PLEKHH3: variants seen among roughly 807,000 people sequenced by gnomAD.
The protein encoded by PLEKHH3 is pleckstrin homology domain-containing family H member 3.
In PLEKHH3, 57 loss-of-function variants were observed where a neutral mutation model predicts 77.8. That is an observed-to-expected ratio of 0.73 (90% CI 0.59 to 0.91). PLEKHH3 has a LOEUF of 0.91. Among genes scored for constraint, PLEKHH3 ranks in the 40% least tolerant of loss-of-function variants. PLEKHH3 has a pLI of 0.00. For synonymous variants in PLEKHH3, 467 were observed against 504.8 expected (o/e 0.93, Z 1.00); for missense variants, 1,082 against 1,091.2 (o/e 0.99, Z 0.12).
intron 1 of PLEKHH3, chr17:42,675,901 C>A: frequency 9.9e-7 from 1 of 1,008,760 alleles, no homozygotes; most frequent in African/African-American, 1.7e-5. Context: ...GAGCTCCCAC[C>A]TCCCTCTCCT....
chr17:42,673,596 C>T (rs1340461967), intron 4 of PLEKHH3, 40 bp from the exon 5 acceptor site: 5 of 1,591,064 alleles, frequency 3.1e-6, no homozygotes, highest in Non-Finnish European at 4.3e-6. Context: ...TTAGGGTCTG[C>T]CGGGGCCCCT....
intron 9 of PLEKHH3, 129 bp from the exon 10 acceptor site, chr17:42,670,834 C>T: frequency 2.0e-6 from 3 of 1,518,666 alleles, no homozygotes; most frequent in Non-Finnish European, 2.7e-6. Flanking sequence ...GGTGATGCTG[C>T]AGTCGGACTG....
chr17:42,673,345 C>T (rs1186279897), intron 5 of PLEKHH3, 49 bp from the exon 6 acceptor site: 3 of 1,606,496 alleles, frequency 1.9e-6, no homozygotes, highest in East Asian at 2.2e-5. Flanking sequence ...GAGTTCCTCA[C>T]AACCCCAGAA....
In PLEKHH3 at chr17:42,676,488, C is replaced by A; in HGVS notation, c.76G>T (p.Asp26Tyr). 1 of 1,610,962 alleles carries A rather than the reference C, an allele frequency of 6.2e-7. No individual in the cohort carries two copies. The highest frequency in any genetic ancestry group is 8.5e-7 in the Non-Finnish European group (1 of 1,178,866). ...TCCCCGTCCCCGCTAAGCTCGCCGT[C>A]CCCGTAGTCCCGGTGCAGAAGAGTG... ...GFTLLHRDYGDGELSGDGDED... is the reference protein window; with the variant it reads ...GFTLLHRDYGYGELSGDGDED... Residue 26 changes from aspartate to tyrosine, a missense_variant, in exon 1 of 13, where the codon GAC becomes TAC. Transcript: ENST00000591022. This position sits in a 1 kb window ranked among gnomAD's most constrained non-coding sequence, Gnocchi z 6.6.
At position 42,670,187 on chromosome 17, in the gene PLEKHH3, G is replaced by C. The variant is rs1465763477; in HGVS notation, c.1744C>G (p.Pro582Ala). ...DPPRPTPRPPPSAALLAGALW... is the reference protein window; with the variant it reads ...DPPRPTPRPPASAALLAGALW... ...GCCCCGGCCAGCAGGGCAGCGGAAG[G>C]GGGCGGCCTGGGGGTCGGGCGGGGC... Residue 582 changes from proline to alanine, a missense_variant, in exon 11 of 13, where the codon CCT (proline) becomes GCT (alanine). Physicochemically the swap from Pro to Ala is conservative, Grantham distance 27. Around this residue, in one of 3 missense-constraint regions of PLEKHH3, gnomAD observed 733 missense variants for 750.0 expected, o/e 0.98. Transcript: ENST00000591022. 6.5e-5 allele frequency: 79 copies of C among 1,207,664 alleles called. 2 individuals are homozygous for C. The Middle Eastern group carries it at 9.8e-4, about 15-fold the overall frequency. 74.8% of individuals were successfully genotyped at this position (1,207,664 alleles called of 1,614,324 possible).
Position 42,668,022 on chromosome 17 carries a change from G to C in PLEKHH3, c.*105C>G. 1.0e-6 allele frequency: 1 copy of C among 986,680 alleles called. No individual in the cohort carries two copies. Among genetic ancestry groups the C allele is most frequent in the Non-Finnish European group, 1.3e-6 (1 of 761,246 alleles). 61.1% of individuals were successfully genotyped at this position (986,680 alleles called of 1,614,324 possible). A position where few individuals can be genotyped will look rare whatever the true frequency, so the allele number is the denominator to read the frequency against. ...CCATTGTAGCCCTTGGGTGTGGGAT[G>C]TGCCCTGTCCCTGCAGGGCCAAAAG... On this transcript the variant is annotated 3_prime_UTR_variant, in exon 13 of 13. Coordinates refer to ENST00000591022, the MANE Select transcript of PLEKHH3 (RefSeq NM_024927.5).
In PLEKHH3 at chr17:42,671,777, C is replaced by T. The variant is rs1422839626; in HGVS notation, c.1077-219G>A. On this transcript the variant is annotated intron_variant, in intron 7 of 12. Transcript: ENST00000591022. This position sits in a 1 kb window ranked among gnomAD's most constrained non-coding sequence, Gnocchi z 4.7. ...TTTCTCCCAACTGCCTCCACCACTT[C>T]CAAAAGTCTTCGTGATCTTCCTTCG... 6.6e-6 allele frequency among the ~76,000 whole-genome samples: 1 copy of T among 152,206 alleles called. No individual in the cohort carries two copies. Among genetic ancestry groups the T allele is most frequent in the African/African-American group, 2.4e-5 (1 of 41,440 alleles).
At position 42,674,338 on chromosome 17, in the gene PLEKHH3, T is replaced by C; in HGVS notation, c.218+16A>G. On this transcript the variant is annotated intron_variant, in intron 2 of 12. Transcript: ENST00000591022. ...GCTGGGGTCGCCAGACTATGGGACG[T>C]AGGGGCGTAGCTCACCTGTTGGAGA... is the stretch of plus-strand genomic sequence containing the variant. 1.3e-6 allele frequency: 2 copies of C among 1,560,828 alleles called. No individual in the cohort carries two copies. The highest frequency in any genetic ancestry group is 8.7e-7 in the Non-Finnish European group (1 of 1,155,442).
Position 42,676,603 on chromosome 17 carries a change from G to A in PLEKHH3, c.-40C>T. On this transcript the variant is annotated 5_prime_UTR_variant, in exon 1 of 13. Coordinates refer to ENST00000591022, the MANE Select transcript of PLEKHH3 (RefSeq NM_024927.5). The surrounding 1 kb of genome is among the most constrained non-coding windows in gnomAD (Gnocchi z 6.6). ...GCGGATGGGGGCGCGGGCAGCCGCG[G>A]CCGAGCAGTAGGGGGTCGGAGGAAC... is the stretch of plus-strand genomic sequence containing the variant. 1 of 1,537,472 alleles carries A rather than the reference G, an allele frequency of 6.5e-7. No individual in the cohort carries two copies. Among genetic ancestry groups the A allele is most frequent in the Admixed American group, 2.0e-5 (1 of 50,884 alleles).
intron 10 of PLEKHH3, 63 bp from the exon 11 acceptor site, chr17:42,670,439 G>A (rs2143564054): frequency 6.8e-7 from 1 of 1,462,498 alleles, no homozygotes; most frequent in East Asian, 2.6e-5. Context: ...AAAACGCCTC[G>A]CGGAATCTGA....
chr17:42,669,340 G>T lies in PLEKHH3; in HGVS notation c.2205+90C>A, dbSNP rs141207710. 84 of 1,337,808 alleles carry T rather than the reference G, an allele frequency of 6.3e-5. No individual in the cohort carries two copies. In the African/African-American group the frequency reaches 8.0e-4, roughly 13 times the overall value. 82.9% of individuals were successfully genotyped at this position (1,337,808 alleles called of 1,614,324 possible). A position where few individuals can be genotyped will look rare whatever the true frequency, so the allele number is the denominator to read the frequency against. On this transcript the variant is annotated intron_variant, in intron 12 of 12. Transcript: ENST00000591022. ...CACTGCTGGATCCCCAGTGCTTAGAGCTCTACCTGGCCCAGGTTTGGTGTT... is the reference window on the plus strand; with the variant it reads ...CACTGCTGGATCCCCAGTGCTTAGATCTCTACCTGGCCCAGGTTTGGTGTT...
intron 12 of PLEKHH3, chr17:42,668,680 ATC>A (rs1302335015): frequency 6.4e-6 from 1 of 155,312 alleles, no homozygotes; most frequent in Non-Finnish European, 1.4e-5. Context: ...GATGGTCTCG[ATC>A]TCCTGACCTC....
At position 42,672,267 on chromosome 17, in the gene PLEKHH3, C is replaced by T. The variant is rs1280450948; in HGVS notation, c.895G>A (p.Ala299Thr). The T allele has an allele frequency of 2.6e-6, 4 of 1,550,790 alleles. No individual in the cohort carries two copies. Among genetic ancestry groups the T allele is most frequent in the East Asian group, 2.4e-5 (1 of 40,986 alleles). Residue 299 changes from alanine to threonine, a missense_variant, in exon 7 of 13, where the codon GCG (alanine) becomes ACG (threonine). Physicochemically the swap from Ala to Thr is moderately conservative, Grantham distance 58. Transcript: ENST00000591022. Reference sequence around the variant, plus strand: ...TGCAGGAAGAGTTCATCCCGGAGCGCGGGCAAGTCCCGGCAGGTTTGGAGC... The same window carrying T: ...TGCAGGAAGAGTTCATCCCGGAGCGTGGGCAAGTCCCGGCAGGTTTGGAGC... The part of the protein sequence containing the change: ...GVLQTCRDLP[A>T]LRDELFLQLA...
Position 42,674,309 on chromosome 17 carries a change from A to G in PLEKHH3, c.218+45T>C, listed in dbSNP as rs1265134893. ...GACAGAGAGGATGGGGGTCCCGGGA[A>G]CATGCTGGGGTCGCCAGACTATGGG... On this transcript the variant is annotated intron_variant, in intron 2 of 12. Transcript: ENST00000591022. The G allele has an allele frequency of 2.6e-6, 4 of 1,525,184 alleles. No homozygotes were observed. In the South Asian group the frequency reaches 5.1e-5, roughly 19 times the overall value. The allele number at this position is 1,525,184 out of a possible 1,614,324, so 94.5% of individuals were successfully genotyped here. A position where few individuals can be genotyped will look rare whatever the true frequency, so the allele number is the denominator to read the frequency against.
In PLEKHH3 at chr17:42,673,848, A is replaced by G. The variant is rs754628487; in HGVS notation, c.299-14T>C. On this transcript the variant is annotated splice_polypyrimidine_tract_variant and intron_variant, in intron 3 of 12. Coordinates refer to ENST00000591022, the MANE Select transcript of PLEKHH3 (RefSeq NM_024927.5). ...GGTACAGCCAACCTGGGGGCCGGAG[A>G]GGGAGGGAAGGGACATCAGTAGAGA... 2 of 1,602,064 alleles carry G rather than the reference A, an allele frequency of 1.2e-6. No homozygotes were observed. The highest frequency in any genetic ancestry group is 2.2e-5 in the East Asian group (1 of 44,602).
chr17:42,673,467 A>G lies in PLEKHH3; in HGVS notation c.580T>C (p.Leu194=). The G allele has an allele frequency of 1.9e-6, 3 of 1,612,652 alleles. No individual in the cohort carries two copies. The highest frequency in any genetic ancestry group is 1.3e-5 in the African/African-American group (1 of 74,958). ...QAEAERWGVA[L]REVIASKAPL... Reference sequence around the variant, plus strand: ...GCCTTGGAGGCGATCACTTCCCGCAATGCCACCCCCCAGCGCTCAGCCTCT... The same window carrying G: ...GCCTTGGAGGCGATCACTTCCCGCAGTGCCACCCCCCAGCGCTCAGCCTCT... Residue 194 remains leucine, a synonymous_variant, in exon 5 of 13, where the codon TTG becomes CTG. Transcript: ENST00000591022.
chr17:42,669,957 C>T lies in PLEKHH3; in HGVS notation c.1974G>A (p.Gly658=), dbSNP rs1386172568. The part of the protein sequence containing the change: ...AYLALAAQCP[G]FGAARYDVLE... ...GAACGTCATACCGAGCAGCGCCGAA[C>T]CCCGGACACTGCGCCGCCAGGGCCA... The change falls in exon 11 of 13, where the codon GGG becomes GGA. Residue 658 remains glycine (G), a synonymous_variant. Transcript: ENST00000591022. 2 of 1,613,066 alleles carry T rather than the reference C, an allele frequency of 1.2e-6. No homozygotes were observed. The highest frequency in any genetic ancestry group is 1.7e-6 in the Non-Finnish European group (2 of 1,179,902).
In PLEKHH3 at chr17:42,671,412, A is replaced by G; in HGVS notation, c.1223T>C (p.Val408Ala). ...ACAGGCACCAGCCCCCGGACAGTGCACGGTACACAGCAGCTCCTGCCGTTG... is the reference window on the plus strand; with the variant it reads ...ACAGGCACCAGCCCCCGGACAGTGCGCGGTACACAGCAGCTCCTGCCGTTG... ...LSQRQELLCT[V>A]HCPGAGACAV... Residue 408 changes from valine to alanine, a missense_variant, in exon 8 of 13, where the codon GTG becomes GCG. Transcript: ENST00000591022. The surrounding 1 kb of genome is among the most constrained non-coding windows in gnomAD (Gnocchi z 4.7). The G allele has an allele frequency of 6.2e-7, 1 of 1,613,062 alleles. No individual in the cohort carries two copies.
At position 42,675,566 on chromosome 17, in the gene PLEKHH3, GC is replaced by G. The variant is rs1277408934; in HGVS notation, c.162+835del. On this transcript the variant is annotated intron_variant, in intron 1 of 12. Coordinates refer to ENST00000591022, the MANE Select transcript of PLEKHH3 (RefSeq NM_024927.5). ...CCGCCTCCGCCAGGTGCTGGCGCCG[GC>G]CCCGGCGGCGCAGCCCGCCCCACCC... Among the ~76,000 whole-genome samples, 4 of 152,110 alleles carry G rather than the reference GC, an allele frequency of 2.6e-5. No individual in the cohort carries two copies. The South Asian group carries it at 6.2e-4, about 24-fold the overall frequency.
Sources: allele counts gnomAD v4.1 joint callset (sites outside exome capture counted in the v4.1 genomes callset), GRCh38; gene constraint gnomAD v4.1.1; regional missense constraint gnomAD v4.1.1; non-coding constraint Gnocchi (gnomAD v3.1); transcripts MANE v1.5; gene names NCBI Gene and HGNC (gene_info 2026-07-23, HGNC 2026-07-21).